AMZ1: variants seen among roughly 807,000 people sequenced by gnomAD.
The protein encoded by AMZ1 is archaelysin family metallopeptidase 1, also known as archaemetzincin-1.
Under a neutral mutation model 29.9 loss-of-function variants are expected in AMZ1, and 39 were observed. The ratio of observed to expected loss-of-function variants is 1.30; its 90% CI spans 1.01 to 1.70. The LOEUF is 1.70. Among genes scored for constraint, AMZ1 ranks in the 40% most tolerant of loss-of-function variants. The pLI, the probability that AMZ1 is intolerant of heterozygous loss-of-function variation, is 0.00. For synonymous variants in AMZ1, 458 were observed against 304.0 expected (o/e 1.51, Z -5.27); for missense variants, 1,041 against 680.6 (o/e 1.53, Z -5.89).
At chr7:2,744,813 G>A (rs1365154487) in intron 4 of AMZ1, among the ~76,000 whole-genome samples, 1 of 152,160 alleles carries the variant, frequency 6.6e-6, no homozygotes, top group African/African-American at 2.4e-5. Context: ...CCAATGCAGA[G>A]AAGTCCTTAA....
chr7:2,697,930 C>T (rs942116440), intron 1 of AMZ1, among the ~76,000 whole-genome samples: 1 of 151,954 alleles, frequency 6.6e-6, no homozygotes, highest in African/African-American at 2.4e-5. Flanking sequence ...GTACGTTCCT[C>T]TGGAAAAAAA....
intron 6 of AMZ1, 89 bp from the exon 7 acceptor site, chr7:2,712,241 G>A: frequency 5.1e-6 from 7 of 1,380,418 alleles, no homozygotes; most frequent in Non-Finnish European, 6.7e-6. Context: ...GGACGGTGGG[G>A]TCCCCTTAGG....
At chr7:2,760,909 T>G (rs1265688939), upstream of AMZ1, among the ~76,000 whole-genome samples, 1 of 151,836 alleles carries the variant, frequency 6.6e-6, no homozygotes, top group African/African-American at 2.4e-5. Flanking sequence ...TGGTGGGGAG[T>G]GGGGGGTTCT....
At position 2,712,679 on chromosome 7, in the gene AMZ1, C is replaced by G; in HGVS notation, c.1298C>G (p.Ala433Gly). The change falls in exon 7 of 7, where the codon GCC becomes GGC. Residue 433 changes from alanine (A) to glycine (G), a missense_variant. Ala to Gly is a moderately conservative substitution (Grantham distance 60, BLOSUM62 0). Transcript: ENST00000683327. ...AEEDLVQVDR[A>G]VDALDRWEMF... ...GAGGACCTGGTGCAGGTGGACAGAG[C>G]CGTGGACGCCCTCGACCGCTGGGAG... The G allele has an allele frequency of 1.9e-6, 3 of 1,612,706 alleles. No individual in the cohort carries two copies. The South Asian group carries it at 3.3e-5, about 18-fold the overall frequency.
Position 2,718,169 on chromosome 7 carries a change from A to C in AMZ1, c.*5291A>C, listed in dbSNP as rs1409332114. Among the ~76,000 whole-genome samples the C allele has an allele frequency of 3.3e-5, 5 of 152,080 alleles. No individual in the cohort carries two copies. On this transcript the variant is annotated 3_prime_UTR_variant, in exon 7 of 7. Transcript: ENST00000683327. ...GCTCCCTGGGCTTTTTAATGAACGC[A>C]CTTCTGTCACATGGAAACTGAGCCC...
At chr7:2,756,563 C>T (rs901068359) in intron 4 of AMZ1, among the ~76,000 whole-genome samples, 2 of 151,868 alleles carry the variant, frequency 1.3e-5, no homozygotes, top group Non-Finnish European at 2.9e-5. Context: ...TGCAGTGAGC[C>T]ACAATCGTGC....
chr7:2,757,430 G>A (rs1791357706), intron 4 of AMZ1, among the ~76,000 whole-genome samples: 1 of 152,204 alleles, frequency 6.6e-6, no homozygotes, highest in African/African-American at 2.4e-5. Flanking sequence ...GCAAGGAAGT[G>A]AGGGCACCCC....
At chr7:2,739,265 C>T (rs934031049) in intron 4 of AMZ1, among the ~76,000 whole-genome samples, 6 of 152,218 alleles carry the variant, frequency 3.9e-5, no homozygotes, top group Admixed American at 1.3e-4. Context: ...ACCACTTCTA[C>T]AGCCTATCAG....
intron 3 of AMZ1, among the ~76,000 whole-genome samples, chr7:2,708,183 T>G (rs1399959261): frequency 2.0e-5 from 3 of 152,116 alleles, no homozygotes; most frequent in South Asian, 4.1e-4. Flanking sequence ...AACGCCTCCA[T>G]CCCAAGATCT....
At chr7:2,759,232 C>T (rs1447689069) in intron 4 of AMZ1, among the ~76,000 whole-genome samples, 1 of 151,336 alleles carries the variant, frequency 6.6e-6, no homozygotes, top group Non-Finnish European at 1.5e-5. Flanking sequence ...AAATATAACG[C>T]TGAAGAAATA....
At chr7:2,686,104 T>C (rs945460643), upstream of AMZ1, among the ~76,000 whole-genome samples, 2 of 152,078 alleles carry the variant, frequency 1.3e-5, no homozygotes, top group Non-Finnish European at 2.9e-5. Flanking sequence ...AACCAAAATA[T>C]CCCAAAGCAG....
intron 6 of AMZ1, among the ~76,000 whole-genome samples, chr7:2,712,116 A>G (rs1263016543): frequency 2.0e-5 from 3 of 152,152 alleles, no homozygotes; most frequent in Non-Finnish European, 4.4e-5. Context: ...CTGAATGGTG[A>G]GCTCTTGGGG....
chr7:2,709,786 C>G lies in AMZ1; in HGVS notation c.918C>G (p.Val306=). The G allele has an allele frequency of 6.2e-7, 1 of 1,612,086 alleles. No individual in the cohort carries two copies. The highest frequency in any genetic ancestry group is 8.5e-7 in the Non-Finnish European group (1 of 1,179,850). ...CPICLRKLQH[V]LGFRLIERYQ... is the part of the protein sequence containing the mutation. ...TCTGCCTGAGGAAGCTGCAGCATGT[C>G]CTGGGTTTCAGGCTCATCGAGAGGT... Residue 306 remains valine (V), a synonymous_variant, in exon 6 of 7, where the codon GTC becomes GTG. Coordinates refer to ENST00000683327, the MANE Select transcript of AMZ1 (RefSeq NM_001384743.1).
At position 2,697,827 on chromosome 7, in the gene AMZ1, A is replaced by T. The variant is rs1274479828; in HGVS notation, c.-218-2407A>T. On this transcript the variant is annotated intron_variant, in intron 1 of 6. Transcript: ENST00000683327. The stretch of plus-strand genomic sequence containing the variant: ...ATATGCAGTTGGATCTTAAATTTGT[A>T]AAATATATTTGGAGAAAGAAGTTAT... Among the ~76,000 whole-genome samples, 5 of 152,204 alleles carry T rather than the reference A, an allele frequency of 3.3e-5. 1 individual carries two copies. In the East Asian group the frequency reaches 9.6e-4, roughly 29 times the overall value.
At position 2,734,832 on chromosome 7, in the gene AMZ1, G is replaced by A. The variant is rs34765119; in HGVS notation, n.550+25016G>A. On this transcript the variant is annotated intron_variant and non_coding_transcript_variant, in intron 4 of 4. Transcript: ENST00000489665. The stretch of plus-strand genomic sequence containing the variant: ...AGGACGGGGCGAGCACGTGCACCTC[G>A]TGACCACCGGCTCTCTAGAGCCCCA... Among the ~76,000 whole-genome samples, 17 of 152,306 alleles carry A rather than the reference G, an allele frequency of 1.1e-4. No homozygotes were observed. In the East Asian group the frequency reaches 1.5e-3, roughly 14 times the overall value.
rs1788974225 is a variant in AMZ1, at chr7:2,714,045, C to A, written c.*1167C>A. The A allele has an allele frequency of 1.3e-5, 2 of 152,196 alleles. No homozygotes were observed. The highest frequency in any genetic ancestry group is 6.5e-5 in the Admixed American group (1 of 15,286). The allele number at this position is 152,196 out of a possible 1,614,324, so 9.4% of individuals were successfully genotyped here. On this transcript the variant is annotated 3_prime_UTR_variant, in exon 7 of 7. Transcript: ENST00000683327. ...ACTTTGAAGCTCCTTTACGTCCCTGCACATTTGATTGTTGTGTCTTCCTGA... is the reference window on the plus strand; with the variant it reads ...ACTTTGAAGCTCCTTTACGTCCCTGAACATTTGATTGTTGTGTCTTCCTGA...
chr7:2,746,447 A>G (rs2115346987), intron 4 of AMZ1, among the ~76,000 whole-genome samples: 1 of 152,372 alleles, frequency 6.6e-6, no homozygotes, highest in Middle Eastern at 3.4e-3. Flanking sequence ...GAAGGCAGAA[A>G]TAAAGATGTT....
At chr7:2,680,449 T>C (rs1254275180) in intron 1 of AMZ1, among the ~76,000 whole-genome samples, 6 of 152,162 alleles carry the variant, frequency 3.9e-5, no homozygotes, top group Non-Finnish European at 8.8e-5. Context: ...AGCCCAGACA[T>C]GCAGCCGCCC....
chr7:2,761,837 T>A (rs866848185), upstream of AMZ1, among the ~76,000 whole-genome samples: 8 of 152,352 alleles, frequency 5.3e-5, no homozygotes, highest in Admixed American at 3.3e-4. Context: ...TGGATAGTGC[T>A]GAGTACCTAA....
Sources: allele counts gnomAD v4.1 joint callset (sites outside exome capture counted in the v4.1 genomes callset), GRCh38; gene constraint gnomAD v4.1.1; transcripts MANE v1.5; gene names NCBI Gene and HGNC (gene_info 2026-07-23, HGNC 2026-07-21).